The following IKZF2 variants were observed in gnomAD, a reference collection of about 807,000 sequenced individuals.
IKZF2 encodes IKAROS family zinc finger 2, also known as zinc finger protein Helios.
IKZF2 carries 15 observed loss-of-function variants against 49.2 expected under a neutral mutation model. The ratio of observed to expected loss-of-function variants is 0.30; its 90% CI spans 0.20 to 0.47. The LOEUF is 0.47. IKZF2 is among the 20% of genes least tolerant of loss of function. IKZF2 has a pLI of 1.00. For synonymous variants in IKZF2, 227 were observed against 221.4 expected (o/e 1.03, Z -0.23); for missense variants, 567 against 664.6 (o/e 0.85, Z 1.61).
At chr2:213,106,650 A>AG (rs1487337679) in intron 4 of IKZF2, among the ~76,000 whole-genome samples, 331 of 151,830 alleles carry the variant, frequency 2.2e-3, no homozygotes, top group Non-Finnish European at 3.7e-3. Flanking sequence ...TCTAAAAAAA[A>AG]AAAAAAGAAA....
chr2:213,098,091 G>T (rs568611454), intron 4 of IKZF2: 1 of 158,796 alleles, frequency 6.3e-6, no homozygotes, highest in East Asian at 1.8e-4. Context: ...CCTTCACTGT[G>T]CATCAGAATT....
At chr2:213,047,541 G>A (rs1008148081) in intron 6 of IKZF2, among the ~76,000 whole-genome samples, 5 of 152,044 alleles carry the variant, frequency 3.3e-5, no homozygotes, top group African/African-American at 9.7e-5. Flanking sequence ...TCAGATTGGT[G>A]GTTTTGGAGA....
chr2:213,009,616 G>A (rs1034038541), intron 8 of IKZF2, among the ~76,000 whole-genome samples: 3 of 152,038 alleles, frequency 2.0e-5, no homozygotes, highest in African/African-American at 7.2e-5. Context: ...TAAGATATAT[G>A]CAATGTCAAA....
At chr2:213,102,547 A>C (rs1317499205) in intron 4 of IKZF2, among the ~76,000 whole-genome samples, 1 of 152,122 alleles carries the variant, frequency 6.6e-6, no homozygotes, top group Non-Finnish European at 1.5e-5. Flanking sequence ...AAATTTTTTA[A>C]GTAAATAAGA....
At chr2:213,123,693 T>C (rs779146413) in intron 4 of IKZF2, among the ~76,000 whole-genome samples, 4 of 152,178 alleles carry the variant, frequency 2.6e-5, no homozygotes. Flanking sequence ...TTTGGTTTGG[T>C]TTGGTTTTGT....
chr2:213,119,508 A>G (rs1444276716), intron 4 of IKZF2, among the ~76,000 whole-genome samples: 1 of 152,208 alleles, frequency 6.6e-6, no homozygotes, highest in African/African-American at 2.4e-5. Flanking sequence ...GAGACAAGAA[A>G]CATGAGAAGG....
intron 4 of IKZF2, among the ~76,000 whole-genome samples, chr2:213,118,357 GACT>G (rs1394806051): frequency 6.6e-6 from 1 of 152,196 alleles, no homozygotes; most frequent in Non-Finnish European, 1.5e-5. Context: ...CACTACACAT[GACT>G]GAGAACTGCT....
At position 213,113,183 on chromosome 2, in the gene IKZF2, A is replaced by G. The variant is rs139085613; in HGVS notation, c.139+34525T>C. Among the ~76,000 whole-genome samples, 71 of 152,318 alleles carry G rather than the reference A, an allele frequency of 4.7e-4. 2 individuals are homozygous for G. In the East Asian group the frequency reaches 0.013, roughly 28 times the overall value. ...TAAATATTAGCTAAGTTAAATAATC[A>G]TTAAGTTGTCTCTTTTATTCCTACT... On this transcript the variant is annotated intron_variant, in intron 4 of 8. Coordinates refer to ENST00000434687, the MANE Select transcript of IKZF2 (RefSeq NM_001387220.1).
At chr2:213,069,162 A>G (rs1274075388) in intron 4 of IKZF2, among the ~76,000 whole-genome samples, 1 of 152,008 alleles carries the variant, frequency 6.6e-6, no homozygotes, top group Admixed American at 6.6e-5. Flanking sequence ...GCAGGTTTCC[A>G]GGGAGGGGAA....
chr2:213,084,052 A>G (rs899594087), intron 4 of IKZF2, among the ~76,000 whole-genome samples: 1 of 152,140 alleles, frequency 6.6e-6, no homozygotes, highest in African/African-American at 2.4e-5. Context: ...AATACAGATT[A>G]TTTGGAGTAA....
At position 213,008,095 on chromosome 2, in the gene IKZF2, G is replaced by A; in HGVS notation, c.857-11C>T. The A allele has an allele frequency of 6.4e-7, 1 of 1,553,458 alleles. No homozygotes were observed. Among genetic ancestry groups the A allele is most frequent in the Non-Finnish European group, 8.7e-7 (1 of 1,154,054 alleles). ...GCATGAGCTTTTCCCCTGGAAGGGA[G>A]TGGGAGGTGAAAGAAGTAAAAAAAA... On this transcript the variant is annotated splice_polypyrimidine_tract_variant and intron_variant, in intron 8 of 8. Coordinates refer to ENST00000434687, the MANE Select transcript of IKZF2 (RefSeq NM_001387220.1).
intron 7 of IKZF2, chr2:213,021,727 A>G (rs1472243446): frequency 1.9e-6 from 1 of 519,218 alleles, no homozygotes; most frequent in African/African-American, 1.9e-5. Context: ...CTATCTGGTT[A>G]GAAAAATGAA....
At chr2:213,076,162 A>G (rs1345412539) in intron 4 of IKZF2, among the ~76,000 whole-genome samples, 5 of 152,192 alleles carry the variant, frequency 3.3e-5, no homozygotes, top group Non-Finnish European at 5.9e-5. Flanking sequence ...ACGGAAGTAA[A>G]CTTCATGAAA....
intron 6 of IKZF2, among the ~76,000 whole-genome samples, chr2:213,027,272 T>C (rs1195423467): frequency 6.6e-6 from 1 of 152,172 alleles, no homozygotes; most frequent in Non-Finnish European, 1.5e-5. Flanking sequence ...TTCTGATTAA[T>C]AGTATAGAAA....
intron 5 of IKZF2, among the ~76,000 whole-genome samples, chr2:213,054,093 A>G (rs1468311151): frequency 6.6e-6 from 1 of 152,008 alleles, no homozygotes; most frequent in Non-Finnish European, 1.5e-5. Flanking sequence ...AAAATACAGA[A>G]ATTAGCTGGG....
chr2:213,146,892 T>C, intron 4 of IKZF2, among the ~76,000 whole-genome samples: 1 of 151,832 alleles, frequency 6.6e-6, no homozygotes, highest in Non-Finnish European at 1.5e-5. Flanking sequence ...AAATCTAAAG[T>C]ATAAAGAAAA....
intron 5 of IKZF2, among the ~76,000 whole-genome samples, chr2:213,054,758 C>T (rs1334098543): frequency 6.6e-6 from 1 of 152,144 alleles, no homozygotes; most frequent in Non-Finnish European, 1.5e-5. Context: ...CTTTAACATA[C>T]TCCTTGCTGT....
intron 4 of IKZF2, among the ~76,000 whole-genome samples, chr2:213,115,306 G>A (rs948736420): frequency 6.6e-6 from 1 of 152,138 alleles, no homozygotes. Context: ...GGAAAACAGT[G>A]ACTAGAGAGT....
intron 6 of IKZF2, among the ~76,000 whole-genome samples, chr2:213,041,412 C>T (rs1699639406): frequency 6.6e-6 from 1 of 152,044 alleles, no homozygotes; most frequent in Non-Finnish European, 1.5e-5. Context: ...AAGCAATCCT[C>T]CTGCCTCAGC....
Sources: allele counts gnomAD v4.1 joint callset (sites outside exome capture counted in the v4.1 genomes callset), GRCh38; gene constraint gnomAD v4.1.1; transcripts MANE v1.5; gene names NCBI Gene and HGNC (gene_info 2026-07-23, HGNC 2026-07-21).